Variants in PCBP3 observed in about 807,000 individuals in gnomAD.
PCBP3 encodes poly(rC)-binding protein 3.
A neutral mutation model predicts 52.7 loss-of-function variants in PCBP3; 25 were observed. The observed-to-expected ratio is 0.47, with a 90% confidence interval of 0.35 to 0.66. The LOEUF (loss-of-function observed/expected upper bound fraction) is 0.66. Among genes scored for constraint, PCBP3 ranks in the 30% least tolerant of loss-of-function variants. PCBP3 has a pLI of 0.01. For synonymous variants in PCBP3, 162 were observed against 183.0 expected, an observed-to-expected ratio of 0.89 and a Z score of 0.93; for missense variants, 391 against 490.3, an observed-to-expected ratio of 0.80 and a Z score of 1.91.
intron 10 of PCBP3, 57 bp downstream of exon 10, chr21:45,909,543 G>T (rs1021166077): frequency 8.9e-6 from 14 of 1,571,134 alleles, no homozygotes; most frequent in Admixed American, 1.7e-5. Flanking sequence ...GCTGCGGGTG[G>T]TGGCCACAGG....
intron 4 of PCBP3, among the ~76,000 whole-genome samples, chr21:45,781,866 A>G (rs2090659299): frequency 6.6e-6 from 1 of 152,186 alleles, no homozygotes; most frequent in African/African-American, 2.4e-5. Context: ...CCTGGCAACC[A>G]CTCACTTGCC....
intron 4 of PCBP3, among the ~76,000 whole-genome samples, chr21:45,823,573 C>T (rs1211439236): frequency 2.6e-5 from 4 of 152,118 alleles, no homozygotes; most frequent in Non-Finnish European, 5.9e-5. Flanking sequence ...TTGGCATGGG[C>T]TGCGATCTTT....
chr21:45,666,304 T>C (rs1373630246), intron 1 of PCBP3, among the ~76,000 whole-genome samples: 1 of 152,174 alleles, frequency 6.6e-6, no homozygotes, highest in Non-Finnish European at 1.5e-5. Context: ...AAGGCATCCA[T>C]TTTGGAAAAG....
chr21:45,681,259 C>T (rs1294747894), intron 2 of PCBP3, among the ~76,000 whole-genome samples: 2 of 152,206 alleles, frequency 1.3e-5, no homozygotes, highest in Non-Finnish European at 2.9e-5. Flanking sequence ...GAGGTTTTAT[C>T]ACAAATAGAT....
Position 45,827,328 on chromosome 21 carries a change from T to C in PCBP3, c.-125-22633T>C, listed in dbSNP as rs1297610161. Among the ~76,000 whole-genome samples the C allele has an allele frequency of 6.6e-6, 1 of 151,988 alleles. No homozygotes were observed. The highest frequency in any genetic ancestry group is 1.5e-5 in the Non-Finnish European group (1 of 68,010). On this transcript the variant is annotated intron_variant, in intron 4 of 17. Coordinates refer to ENST00000681687, the MANE Select transcript of PCBP3 (RefSeq NM_001384156.1). This position sits in a 1 kb window ranked among gnomAD's most constrained non-coding sequence, Gnocchi z 4.3. ...CCGGTGAAAATGAGATAAAAGAAGA[T>C]CTGGACATGATCATCACGTCACATC...
intron 5 of PCBP3, among the ~76,000 whole-genome samples, chr21:45,879,522 T>C (rs2095350308): frequency 6.6e-6 from 1 of 152,214 alleles, no homozygotes; most frequent in African/African-American, 2.4e-5. Flanking sequence ...ACGTGGTTTT[T>C]ATGTGCACAT....
intron 1 of PCBP3, among the ~76,000 whole-genome samples, chr21:45,650,180 GA>G (rs945048117): frequency 2.6e-5 from 4 of 151,260 alleles, no homozygotes; most frequent in East Asian, 1.9e-4. Flanking sequence ...AAAAACCAAA[GA>G]AAAAAAATTA....
At position 45,791,591 on chromosome 21, in the gene PCBP3, G is replaced by A. The variant is rs1569227865; in HGVS notation, c.-126+36139G>A. 2.0e-5 allele frequency among the ~76,000 whole-genome samples: 3 copies of A among 152,238 alleles called. No individual in the cohort carries two copies. The highest frequency in any genetic ancestry group is 6.5e-5 in the Admixed American group (1 of 15,288). Reference sequence around the variant, plus strand: ...CTCGCGAGGGAGGTGTGCAACAGCCGGAAGGCAGGTGGCCGCCAACAACTT... The same window carrying A: ...CTCGCGAGGGAGGTGTGCAACAGCCAGAAGGCAGGTGGCCGCCAACAACTT... On this transcript the variant is annotated intron_variant, in intron 4 of 17. Coordinates refer to ENST00000681687, the MANE Select transcript of PCBP3 (RefSeq NM_001384156.1). The surrounding 1 kb of genome is among the most constrained non-coding windows in gnomAD (Gnocchi z 4.2).
intron 3 of PCBP3, among the ~76,000 whole-genome samples, chr21:45,747,395 C>G (rs145611345): frequency 9.8e-4 from 150 of 152,342 alleles, no homozygotes; most frequent in Middle Eastern, 3.4e-3. Flanking sequence ...ACCGGGCATC[C>G]TTGTTCTGAG....
intron 4 of PCBP3, among the ~76,000 whole-genome samples, chr21:45,755,815 T>C (rs1217137948): frequency 6.6e-6 from 1 of 152,230 alleles, no homozygotes; most frequent in Non-Finnish European, 1.5e-5. Flanking sequence ...GGGTTTGTTA[T>C]ATGCTATGAA....
chr21:45,789,117 C>A (rs2091354808), intron 4 of PCBP3, among the ~76,000 whole-genome samples: 1 of 152,234 alleles, frequency 6.6e-6, no homozygotes, highest in Non-Finnish European at 1.5e-5. Flanking sequence ...AATGAGATGG[C>A]ATGCTCAGCA....
chr21:45,839,480 G>A (rs2093654610), intron 4 of PCBP3, among the ~76,000 whole-genome samples: 1 of 152,102 alleles, frequency 6.6e-6, no homozygotes, highest in African/African-American at 2.4e-5. Flanking sequence ...ATGTTCTTCA[G>A]GATGGGCTCA....
chr21:45,751,022 C>T (rs1438664067), intron 3 of PCBP3: 1 of 152,156 alleles, frequency 6.6e-6, no homozygotes, highest in South Asian at 2.1e-4. Flanking sequence ...AAGGTGGTCT[C>T]TCACCAGCTC....
At chr21:45,874,920 C>G (rs1193017449) in intron 5 of PCBP3, among the ~76,000 whole-genome samples, 3 of 152,186 alleles carry the variant, frequency 2.0e-5, no homozygotes, top group Admixed American at 2.0e-4. Flanking sequence ...GCCCTAGACT[C>G]ACGAGAGAGC....
At chr21:45,932,169 A>G (rs1321274956) in intron 15 of PCBP3, among the ~76,000 whole-genome samples, 1 of 151,440 alleles carries the variant, frequency 6.6e-6, no homozygotes, top group East Asian at 2.0e-4. Flanking sequence ...ATGAATGAAC[A>G]CATCAGCCAT....
intron 3 of PCBP3, among the ~76,000 whole-genome samples, chr21:45,748,993 C>T (rs74699336): frequency 0.012 from 1,758 of 152,292 alleles, 50 homozygotes; most frequent in African/African-American, 0.039. Flanking sequence ...TCAGCTTTTA[C>T]AAAGAGGGCA....
At chr21:45,820,537 C>T (rs1376180462) in intron 4 of PCBP3, among the ~76,000 whole-genome samples, 3 of 152,148 alleles carry the variant, frequency 2.0e-5, no homozygotes, top group East Asian at 1.9e-4. Flanking sequence ...GTGTGCGTGG[C>T]CTTGACCTGG....
rs185584180 is a variant in PCBP3, at chr21:45,740,369, A to T, written c.-162+4940A>T. On this transcript the variant is annotated intron_variant, in intron 3 of 17. Transcript: ENST00000681687. The stretch of plus-strand genomic sequence containing the variant: ...ACTTAGTAGCTCCCATGTTAAAATT[A>T]AAAAAAATTATTCCCTTGATCCTTG... Among the ~76,000 whole-genome samples the T allele has an allele frequency of 3.7e-3, 568 of 152,246 alleles. 3 individuals carry two copies. Among genetic ancestry groups the T allele is most frequent in the Non-Finnish European group, 6.4e-3 (433 of 68,000 alleles).
intron 4 of PCBP3, among the ~76,000 whole-genome samples, chr21:45,799,864 A>G (rs896453433): frequency 3.3e-5 from 5 of 152,358 alleles, no homozygotes; most frequent in South Asian, 2.1e-4. Context: ...GCTGAGAACA[A>G]GCAGCCTCTT....
Sources: allele counts gnomAD v4.1 joint callset (sites outside exome capture counted in the v4.1 genomes callset), GRCh38; gene constraint gnomAD v4.1.1; non-coding constraint Gnocchi (gnomAD v3.1); transcripts MANE v1.5; gene names NCBI Gene and HGNC (gene_info 2026-07-23, HGNC 2026-07-21).